DDX10: variants seen among roughly 807,000 people sequenced by gnomAD.
DDX10 encodes the protein probable ATP-dependent RNA helicase DDX10.
A neutral mutation model predicts 104.3 loss-of-function variants in DDX10; 74 were observed. The ratio of observed to expected loss-of-function variants is 0.71; its 90% CI spans 0.59 to 0.86. The LOEUF (loss-of-function observed/expected upper bound fraction) is 0.86, where lower values mean the gene tolerates loss of function less well. Among genes scored for constraint, DDX10 ranks in the 40% least tolerant of loss-of-function variants. DDX10 has a pLI of 0.00. For missense variants in DDX10, 952 were observed against 1,040.0 expected (o/e 0.92, Z 1.16); for synonymous variants, 351 against 353.4 (o/e 0.99, Z 0.08).
intron 13 of DDX10, among the ~76,000 whole-genome samples, chr11:108,789,645 T>A (rs1199254496): frequency 1.3e-5 from 2 of 152,238 alleles, no homozygotes; most frequent in Non-Finnish European, 1.5e-5. Flanking sequence ...TTCTACTTCT[T>A]GTTTATAAAG....
intron 9 of DDX10, among the ~76,000 whole-genome samples, chr11:108,699,971 A>G (rs2094265330): frequency 6.6e-6 from 1 of 152,210 alleles, no homozygotes. Flanking sequence ...ATACTCGGTT[A>G]CAAAGCCCAC....
intron 16 of DDX10, among the ~76,000 whole-genome samples, chr11:108,892,690 A>C (rs1012949685): frequency 6.6e-6 from 1 of 152,330 alleles, no homozygotes; most frequent in African/African-American, 2.4e-5. Context: ...TTCTAAATTC[A>C]TAATAGTTTT....
intron 13 of DDX10, among the ~76,000 whole-genome samples, chr11:108,771,745 C>T (rs1281398790): frequency 3.9e-5 from 6 of 152,168 alleles, no homozygotes; most frequent in Non-Finnish European, 7.3e-5. Flanking sequence ...TAAATGGAGG[C>T]TATAGCTTTA....
intron 13 of DDX10, among the ~76,000 whole-genome samples, chr11:108,784,550 T>G (rs975087768): frequency 6.6e-6 from 1 of 152,134 alleles, no homozygotes; most frequent in African/African-American, 2.4e-5. Context: ...TGTTTGTTTT[T>G]TGCTTGTCGT....
chr11:108,932,031 G>C (rs1309926041), intron 17 of DDX10, among the ~76,000 whole-genome samples: 1 of 151,868 alleles, frequency 6.6e-6, no homozygotes, highest in Middle Eastern at 3.4e-3. Flanking sequence ...TGTCAGCAAG[G>C]TATAAAATAT....
At chr11:108,697,426 A>T (rs2094261502) in intron 9 of DDX10, among the ~76,000 whole-genome samples, 1 of 152,166 alleles carries the variant, frequency 6.6e-6, no homozygotes, top group Admixed American at 6.5e-5. Flanking sequence ...ATTGAACTAT[A>T]ATATATCGAT....
At chr11:108,784,406 C>T (rs571796486) in intron 13 of DDX10, among the ~76,000 whole-genome samples, 158 of 152,132 alleles carry the variant, frequency 1.0e-3, no homozygotes, top group Non-Finnish European at 1.4e-3. Context: ...CCTGAACACC[C>T]GCTTGTTTTT....
chr11:108,826,404 A>G (rs74510903), intron 13 of DDX10, among the ~76,000 whole-genome samples: 2,732 of 152,292 alleles, frequency 0.018, 42 homozygotes, highest in South Asian at 0.04. Flanking sequence ...TAACATTCAC[A>G]AAAGGCCGGA....
At chr11:108,750,925 A>G (rs1027952644) in intron 13 of DDX10, among the ~76,000 whole-genome samples, 1 of 41,900 alleles carries the variant, frequency 2.4e-5, no homozygotes, top group Admixed American at 3.9e-4. Context: ...ACACCTGGTT[A>G]CTTTTTTTTT....
At chr11:108,785,361 C>G (rs1380041143) in intron 13 of DDX10, among the ~76,000 whole-genome samples, 2 of 152,034 alleles carry the variant, frequency 1.3e-5, no homozygotes, top group East Asian at 3.8e-4. Context: ...CTTCTATGTT[C>G]ATGAGAAATA....
intron 13 of DDX10, among the ~76,000 whole-genome samples, chr11:108,783,955 C>T (rs999827288): frequency 2.0e-5 from 3 of 152,170 alleles, no homozygotes; most frequent in Admixed American, 6.5e-5. Context: ...CTTAGGATAA[C>T]GGCCTCCAGC....
intron 9 of DDX10, among the ~76,000 whole-genome samples, chr11:108,699,822 CAAG>C (rs986552792): frequency 6.6e-5 from 10 of 152,224 alleles, no homozygotes; most frequent in African/African-American, 2.2e-4. Context: ...AGAAGTGAAA[CAAG>C]AAGAGGTGTG....
chr11:108,796,431 G>A (rs1406236741), intron 13 of DDX10, among the ~76,000 whole-genome samples: 3 of 152,130 alleles, frequency 2.0e-5, no homozygotes, highest in African/African-American at 7.2e-5. Flanking sequence ...GAATTAAATT[G>A]TACTCAGTAA....
chr11:108,917,905 G>T lies in DDX10; in HGVS notation c.2337G>T (p.Trp779Cys). Residue 779 changes from tryptophan to cysteine, a missense_variant, in exon 17 of 18, where the codon TGG (tryptophan) becomes TGT (cysteine). By Grantham distance (215) the Trp-to-Cys change is radical. Coordinates refer to ENST00000322536, the MANE Select transcript of DDX10 (RefSeq NM_004398.4). ...AKDEEEAFLD[W>C]SDDDDDDDDG... The stretch of plus-strand genomic sequence containing the variant: ...ATGAAGAGGAAGCCTTTCTGGATTG[G>T]AGTGATGATGATGATGATGATGATG... The T allele has an allele frequency of 6.2e-7, 1 of 1,607,430 alleles. No homozygotes were observed. Among genetic ancestry groups the T allele is most frequent in the Non-Finnish European group, 8.5e-7 (1 of 1,179,302 alleles).
chr11:108,779,742 G>GT (rs2094375660), intron 13 of DDX10, among the ~76,000 whole-genome samples: 2 of 152,108 alleles, frequency 1.3e-5, no homozygotes, highest in African/African-American at 4.8e-5. Flanking sequence ...ACATTTCATT[G>GT]TTTTGGAGTA....
intron 2 of DDX10, among the ~76,000 whole-genome samples, chr11:108,674,106 AG>A (rs1225814128): frequency 6.6e-6 from 1 of 151,976 alleles, no homozygotes; most frequent in African/African-American, 2.4e-5. Context: ...GGTGGATCAC[AG>A]GGTCAGGAGT....
chr11:108,863,478 AC>A (rs1862966813), intron 16 of DDX10, among the ~76,000 whole-genome samples: 1 of 152,202 alleles, frequency 6.6e-6, no homozygotes, highest in Non-Finnish European at 1.5e-5. Context: ...TACTACAGAT[AC>A]ATTTGATTTT....
chr11:108,858,267 G>A (rs764069092), intron 16 of DDX10, among the ~76,000 whole-genome samples: 2 of 152,042 alleles, frequency 1.3e-5, no homozygotes, highest in East Asian at 3.9e-4. Flanking sequence ...CTGGACCACC[G>A]GACTTCGTGT....
intron 1 of DDX10, among the ~76,000 whole-genome samples, chr11:108,672,490 A>G (rs1417975089): frequency 6.6e-6 from 1 of 152,234 alleles, no homozygotes; most frequent in East Asian, 1.9e-4. Flanking sequence ...GATATCTGAA[A>G]TGATTTGTAG....
Sources: allele counts gnomAD v4.1 joint callset (sites outside exome capture counted in the v4.1 genomes callset), GRCh38; gene constraint gnomAD v4.1.1; transcripts MANE v1.5; gene names NCBI Gene and HGNC (gene_info 2026-07-23, HGNC 2026-07-21).